The following WDR33 variants were observed in gnomAD, a reference collection of about 807,000 sequenced individuals.
The protein encoded by WDR33 is pre-mRNA 3' end processing protein WDR33.
WDR33 carries 47 observed loss-of-function variants against 164.9 expected under a neutral mutation model. The observed-to-expected ratio is 0.29, with a 90% CI of 0.23 to 0.36. The LOEUF (loss-of-function observed/expected upper bound fraction) is 0.36. Among genes scored for constraint, WDR33 ranks in the 10% least tolerant of loss-of-function variants. WDR33 has a pLI of 1.00. For missense variants in WDR33, 1,137 were observed against 1,754.1 expected (o/e 0.65, Z 6.28); for synonymous variants, 505 against 589.0 (o/e 0.86, Z 2.06).
At chr2:127,766,183 A>G (rs1158395044) in intron 4 of WDR33, among the ~76,000 whole-genome samples, 1 of 150,988 alleles carries the variant, frequency 6.6e-6, no homozygotes, top group Non-Finnish European at 1.5e-5. Context: ...TCAAGTTTCT[A>G]TGATGGATCA....
chr2:127,750,666 AAAAAAAAAAAAAT>A (rs1468042137), intron 7 of WDR33, among the ~76,000 whole-genome samples: 2 of 70,452 alleles, frequency 2.8e-5, no homozygotes, highest in Non-Finnish European at 4.9e-5. Context: ...AAAAAAAAAA[AAAAAAAAAAAAAT>A]ATATATATAT....
Position 127,701,765 on chromosome 2 carries a change from G to A in WDR33, c.*4558C>T, listed in dbSNP as rs1389165553. The stretch of plus-strand genomic sequence containing the variant: ...TGACGCGCGGGCAGCGGCTGGCGGC[G>A]GGCGGCGGGTGCCTGCTGCTGGCTG... On this transcript the variant is annotated 3_prime_UTR_variant, in exon 22 of 22. Transcript: ENST00000322313. The A allele has an allele frequency of 7.7e-6, 11 of 1,424,860 alleles. No individual in the cohort carries two copies. The highest frequency in any genetic ancestry group is 5.0e-4 in the Middle Eastern group (2 of 4,030). The allele number at this position is 1,424,860 out of a possible 1,614,324, so 88.3% of individuals were successfully genotyped here.
intron 18 of WDR33, among the ~76,000 whole-genome samples, chr2:127,711,424 C>CAA (rs1197934586): frequency 0.035 from 1,896 of 53,700 alleles, 35 homozygotes; most frequent in Middle Eastern, 0.13. Context: ...GATTCCCTCT[C>CAA]AAAAAAAAAA....
rs148959582 is a variant in WDR33 at position 127,719,559 on chromosome 2, G to A, written c.2466C>T (p.His822=). 278 of 1,613,776 alleles carry A rather than the reference G, an allele frequency of 1.7e-4. 1 individual carries two copies. The African/African-American group carries it at 2.5e-3, about 15-fold the overall frequency. ...GAGGACCTCTCATTTCCTGAGGGCC[G>A]TGTCCCAGTAGTCCACCTGGAGGGT... ...GPHPPGGLLG[H]GPQEMRGPQE... Residue 822 remains histidine, a synonymous_variant, in exon 16 of 22, where the codon CAC becomes CAT. Transcript: ENST00000322313. The surrounding 1 kb of genome is among the most constrained non-coding windows in gnomAD (Gnocchi z 6.5).
In WDR33 at chr2:127,702,342, C is replaced by A; in HGVS notation, c.*3981G>T. On this transcript the variant is annotated 3_prime_UTR_variant, in exon 22 of 22. Transcript: ENST00000322313. ...GAGCGGCTGCTGCCAGCGGAGGCGA[C>A]AGCAGCGTTGGGAGCTCCTCGATGT... 1.6e-6 allele frequency: 1 copy of A among 642,090 alleles called. No homozygotes were observed. Among genetic ancestry groups the A allele is most frequent in the Non-Finnish European group, 2.2e-6 (1 of 459,280 alleles). The allele number at this position is 642,090 out of a possible 1,614,324, so 39.8% of individuals were successfully genotyped here.
At position 127,720,880 on chromosome 2, in the gene WDR33, A is replaced by C. The variant is rs1234438837; in HGVS notation, c.1672-527T>G. 1.3e-5 allele frequency among the ~76,000 whole-genome samples: 2 copies of C among 152,276 alleles called. No homozygotes were observed. The highest frequency in any genetic ancestry group is 3.9e-4 in the East Asian group (2 of 5,164). On this transcript the variant is annotated intron_variant, in intron 15 of 21. Coordinates refer to ENST00000322313, the MANE Select transcript of WDR33 (RefSeq NM_018383.5). This position sits in a 1 kb window ranked among gnomAD's most constrained non-coding sequence, Gnocchi z 5.9. ...GGCCTAGTCAGGATTATTTTTGTCC[A>C]TCTTGATCAGGGAAAGCCCAATAAT...
At chr2:127,749,661 CAA>C (rs1212240477) in intron 7 of WDR33, among the ~76,000 whole-genome samples, 35 of 80,926 alleles carry the variant, frequency 4.3e-4, no homozygotes, top group Admixed American at 4.0e-4. Flanking sequence ...GACTCCACCT[CAA>C]AAAAAAAAAA....
rs1187288798 is a variant in WDR33 at position 127,702,340 on chromosome 2, G to A, written c.*3983C>T. On this transcript the variant is annotated 3_prime_UTR_variant, in exon 22 of 22. Transcript: ENST00000322313. ...GGGAGCGGCTGCTGCCAGCGGAGGC[G>A]ACAGCAGCGTTGGGAGCTCCTCGAT... 6.1e-6 allele frequency: 4 copies of A among 658,152 alleles called. No individual in the cohort carries two copies. The highest frequency in any genetic ancestry group is 8.4e-6 in the Non-Finnish European group (4 of 474,250). The allele number at this position is 658,152 out of a possible 1,614,324, so 40.8% of individuals were successfully genotyped here. A position where few individuals can be genotyped will look rare whatever the true frequency, so the allele number is the denominator to read the frequency against.
chr2:127,727,027 G>A (rs1686587286), intron 7 of WDR33, among the ~76,000 whole-genome samples: 1 of 152,126 alleles, frequency 6.6e-6, no homozygotes, highest in South Asian at 2.1e-4. Context: ...TACTTGCCGG[G>A]AGGTCAGTCG....
Position 127,738,025 on chromosome 2 carries a change from A to T in WDR33, c.725-11248T>A. On this transcript the variant is annotated intron_variant, in intron 7 of 21. Transcript: ENST00000322313. The surrounding 1 kb of genome is among the most constrained non-coding windows in gnomAD (Gnocchi z 4.4). ...GTTATTCACCTCTTGACAGAAAGGA[A>T]GTAACAACGGCAGTGATGAAAACAT... 6.2e-7 allele frequency: 1 copy of T among 1,613,250 alleles called. No homozygotes were observed.
rs953516885 is a variant in WDR33 at position 127,741,265 on chromosome 2, G to A, written c.725-14488C>T. On this transcript the variant is annotated intron_variant, in intron 7 of 21. Coordinates refer to ENST00000322313, the MANE Select transcript of WDR33 (RefSeq NM_018383.5). The surrounding 1 kb of genome is among the most constrained non-coding windows in gnomAD (Gnocchi z 4.1). The stretch of plus-strand genomic sequence containing the variant: ...AGCACAAAGTCTGCAGAAATGCCAC[G>A]GATGACACTGAAAATGGAAAGAAGT... Among the ~76,000 whole-genome samples the A allele has an allele frequency of 7.9e-5, 12 of 152,136 alleles. No individual in the cohort carries two copies. Among genetic ancestry groups the A allele is most frequent in the South Asian group, 2.1e-4 (1 of 4,830 alleles).
Position 127,722,595 on chromosome 2 carries a change from T to C in WDR33, c.1514A>G (p.Gln505Arg). The C allele has an allele frequency of 6.2e-7, 1 of 1,613,434 alleles. No individual in the cohort carries two copies. The highest frequency in any genetic ancestry group is 8.5e-7 in the Non-Finnish European group (1 of 1,179,834). ...PYAKPIPAQF[Q>R]QAWMQNKVPI... Reference sequence around the variant, plus strand: ...GGTGGAGTCACTTTTACTTACCTGCTGGAACTGAGCAGGAATGGGTTTTGC... The same window carrying C: ...GGTGGAGTCACTTTTACTTACCTGCCGGAACTGAGCAGGAATGGGTTTTGC... Residue 505 changes from glutamine to arginine, a missense_variant, in exon 14 of 22, where the codon CAG (glutamine) becomes CGG (arginine). Around this residue, in one of 9 missense-constraint regions of WDR33, gnomAD observed 75 missense variants for 124.7 expected, o/e 0.60. Transcript: ENST00000322313. This position sits in a 1 kb window ranked among gnomAD's most constrained non-coding sequence, Gnocchi z 5.1.
chr2:127,763,027 T>G lies in WDR33; in HGVS notation c.724+35A>C. On this transcript the variant is annotated intron_variant, in intron 7 of 21. Coordinates refer to ENST00000322313, the MANE Select transcript of WDR33 (RefSeq NM_018383.5). This position sits in a 1 kb window ranked among gnomAD's most constrained non-coding sequence, Gnocchi z 4.5. Reference sequence around the variant, plus strand: ...ATTTAACCACAAATGTCTTCCCTATTTAAATATTCCAATCAGTACTGTTAG... The same window carrying G: ...ATTTAACCACAAATGTCTTCCCTATGTAAATATTCCAATCAGTACTGTTAG... 6 of 1,613,568 alleles carry G rather than the reference T, an allele frequency of 3.7e-6. No homozygotes were observed. Among genetic ancestry groups the G allele is most frequent in the Non-Finnish European group, 5.1e-6 (6 of 1,179,708 alleles).
At chr2:127,753,848 C>T (rs1687441106) in intron 7 of WDR33, among the ~76,000 whole-genome samples, 1 of 151,830 alleles carries the variant, frequency 6.6e-6, no homozygotes, top group Admixed American at 6.6e-5. Context: ...CCACAAAAAT[C>T]ACAAAATGTA....
Position 127,708,732 on chromosome 2 carries a change from A to G in WDR33, c.3726T>C (p.Ser1242=). Residue 1242 remains serine, a synonymous_variant, in exon 21 of 22, where the codon TCT becomes TCC. Coordinates refer to ENST00000322313, the MANE Select transcript of WDR33 (RefSeq NM_018383.5). This position sits in a 1 kb window ranked among gnomAD's most constrained non-coding sequence, Gnocchi z 6.7. The part of the protein sequence containing the change: ...KRPWHDGPGT[S]EHREMEAPGG... ...CTGGGGCCTCCATCTCTCTGTGCTC[A>G]GAAGTGCCTGGGCCATCATGCCAGG... 6.2e-7 allele frequency: 1 copy of G among 1,613,696 alleles called. No individual in the cohort carries two copies. Among genetic ancestry groups the G allele is most frequent in the Non-Finnish European group, 8.5e-7 (1 of 1,179,744 alleles).
rs1687772901 is a variant in WDR33 at position 127,764,710 on chromosome 2, G to A, written c.626+118C>T. The stretch of plus-strand genomic sequence containing the variant: ...CAAAGAAAAATATTGTGTTTATAGG[G>A]TGCAGAAAGTTTCCCAGAAACTGAC... On this transcript the variant is annotated intron_variant, in intron 6 of 21. Transcript: ENST00000322313. This position sits in a 1 kb window ranked among gnomAD's most constrained non-coding sequence, Gnocchi z 6.2. 5 of 1,613,406 alleles carry A rather than the reference G, an allele frequency of 3.1e-6. No individual in the cohort carries two copies. The highest frequency in any genetic ancestry group is 4.2e-6 in the Non-Finnish European group (5 of 1,179,614).
chr2:127,704,420 A>G lies in WDR33; in HGVS notation c.*1903T>C, dbSNP rs962671353. 3.0e-5 allele frequency: 5 copies of G among 167,110 alleles called. No homozygotes were observed. Among genetic ancestry groups the G allele is most frequent in the Admixed American group, 2.0e-4 (3 of 15,296 alleles). The allele number at this position is 167,110 out of a possible 1,614,324, so 10.4% of individuals were successfully genotyped here. ...AAATTTTTCCACTAGAATCTCAGGG[A>G]AAAAAAGTCTAATCTTGATATGGGT... On this transcript the variant is annotated 3_prime_UTR_variant, in exon 22 of 22. Transcript: ENST00000322313.
rs971128731 is a variant in WDR33 at position 127,721,035 on chromosome 2, G to C, written c.1672-682C>G. On this transcript the variant is annotated intron_variant, in intron 15 of 21. Transcript: ENST00000322313. The surrounding 1 kb of genome is among the most constrained non-coding windows in gnomAD (Gnocchi z 4.9). ...GTGAATTCAAATTAAAACTATGTTG[G>C]CTTTATCTTTTCTATTAAAAATGTA... Among the ~76,000 whole-genome samples, 28 of 152,176 alleles carry C rather than the reference G, an allele frequency of 1.8e-4. No homozygotes were observed. Among genetic ancestry groups the C allele is most frequent in the Admixed American group, 5.9e-4 (9 of 15,274 alleles).
chr2:127,746,125 C>T (rs552653370), intron 7 of WDR33, among the ~76,000 whole-genome samples: 39 of 150,438 alleles, frequency 2.6e-4, no homozygotes, highest in Middle Eastern at 7.0e-3. Flanking sequence ...TGCCTTCTGG[C>T]ACTCCTGTGG....
Sources: allele counts gnomAD v4.1 joint callset (sites outside exome capture counted in the v4.1 genomes callset), GRCh38; gene constraint gnomAD v4.1.1; regional missense constraint gnomAD v4.1.1; non-coding constraint Gnocchi (gnomAD v3.1); transcripts MANE v1.5; gene names NCBI Gene and HGNC (gene_info 2026-07-23, HGNC 2026-07-21).